CDH4: variants seen among roughly 807,000 people sequenced by gnomAD.
CDH4 encodes the protein cadherin-4.
CDH4 carries 33 observed loss-of-function variants against 86.0 expected under a neutral mutation model. That is an observed-to-expected ratio of 0.38 (90% CI 0.29 to 0.51). The LOEUF is 0.51. CDH4 is among the 20% of genes least tolerant of loss of function. The probability of loss-of-function intolerance (pLI) is 0.86; values close to 1 mark genes in which losing one functional copy is unlikely to be tolerated. For synonymous variants in CDH4, 555 were observed against 549.4 expected (o/e 1.01, Z -0.14); for missense variants, 1,114 against 1,307.4 (o/e 0.85, Z 2.28).
intron 8 of CDH4, among the ~76,000 whole-genome samples, chr20:61,905,112 C>T (rs755827710): frequency 6.6e-6 from 1 of 152,250 alleles, no homozygotes; most frequent in Non-Finnish European, 1.5e-5. Context: ...AAATTCCATT[C>T]CGATGCTCTT....
intron 4 of CDH4, among the ~76,000 whole-genome samples, chr20:61,781,526 T>C (rs558106026): frequency 5.3e-5 from 8 of 152,322 alleles, no homozygotes; most frequent in South Asian, 4.1e-4. Context: ...CACAAGTGGA[T>C]TGCTGAGGCA....
chr20:61,612,238 A>T (rs1477228271), intron 2 of CDH4, among the ~76,000 whole-genome samples: 2 of 152,094 alleles, frequency 1.3e-5, no homozygotes, highest in East Asian at 3.8e-4. Flanking sequence ...AAACATTCAC[A>T]TTATTCTCTT....
intron 7 of CDH4, among the ~76,000 whole-genome samples, chr20:61,881,405 C>G (rs544116824): frequency 6.6e-6 from 1 of 152,192 alleles, no homozygotes; most frequent in East Asian, 1.9e-4. Flanking sequence ...GCCGTGGCTG[C>G]GGAAGAAATA....
chr20:61,447,323 A>ATTTTTTTTTTTTTT (rs71331923), intron 2 of CDH4, among the ~76,000 whole-genome samples: 12 of 110,832 alleles, frequency 1.1e-4, no homozygotes, highest in Non-Finnish European at 1.2e-4. Context: ...CGCCCAGCTG[A>ATTTTTTTTTTTTTT]TTTTTTTTTT....
chr20:61,554,172 C>T (rs1469141331), intron 2 of CDH4, among the ~76,000 whole-genome samples: 1 of 152,198 alleles, frequency 6.6e-6, no homozygotes, highest in Admixed American at 6.5e-5. Context: ...TTGCACAGCA[C>T]TAGGTCCATT....
At position 61,937,101 on chromosome 20, in the gene CDH4, C is replaced by A. The variant is rs1489285268; in HGVS notation, c.*158C>A. The A allele has an allele frequency of 2.3e-5, 12 of 527,456 alleles. No homozygotes were observed. Among genetic ancestry groups the A allele is most frequent in the Non-Finnish European group, 3.4e-5 (11 of 320,352 alleles). The allele number at this position is 527,456 out of a possible 1,614,324, so 32.7% of individuals were successfully genotyped here. On this transcript the variant is annotated 3_prime_UTR_variant, in exon 16 of 16. Coordinates refer to ENST00000614565, the MANE Select transcript of CDH4 (RefSeq NM_001794.5). The stretch of plus-strand genomic sequence containing the variant: ...CACGTTGAGCTGTCTAGCATGAGCA[C>A]CCACCCCCACAGCGCCCTGCACCCG...
chr20:61,662,709 G>A (rs940076445), intron 2 of CDH4, among the ~76,000 whole-genome samples: 9 of 152,200 alleles, frequency 5.9e-5, no homozygotes, highest in African/African-American at 2.2e-4. Context: ...CCAGCTGCTC[G>A]CGTGGCCAAC....
chr20:61,491,852 T>C (rs989263633), intron 2 of CDH4, among the ~76,000 whole-genome samples: 1 of 152,140 alleles, frequency 6.6e-6, no homozygotes, highest in Non-Finnish European at 1.5e-5. Flanking sequence ...GTAGTGTTGA[T>C]GTTGGTGGTA....
intron 2 of CDH4, among the ~76,000 whole-genome samples, chr20:61,532,496 C>A (rs2145643032): frequency 6.6e-6 from 1 of 152,216 alleles, no homozygotes; most frequent in African/African-American, 2.4e-5. Flanking sequence ...TTAAAAAGAC[C>A]CGCATCTCAC....
chr20:61,510,731 T>C lies in CDH4; in HGVS notation c.170-232832T>C, dbSNP rs1388958767. Among the ~76,000 whole-genome samples the C allele has an allele frequency of 1.3e-5, 2 of 152,084 alleles. No homozygotes were observed. The highest frequency in any genetic ancestry group is 1.9e-4 in the East Asian group (1 of 5,178). On this transcript the variant is annotated intron_variant, in intron 2 of 15. Transcript: ENST00000614565. The surrounding 1 kb of genome is among the most constrained non-coding windows in gnomAD (Gnocchi z 4.2). ...TATATAGAGGAGGCAGGTTGAAAAT[T>C]GTATTAGGCTGTTCTTGCATTGCTA...
At chr20:61,745,484 C>T (rs543814980) in intron 3 of CDH4, among the ~76,000 whole-genome samples, 97 of 152,302 alleles carry the variant, frequency 6.4e-4, no homozygotes, top group Admixed American at 1.0e-3. Flanking sequence ...GCTGACCCCA[C>T]GGGGGAAGGA....
chr20:61,831,481 C>T (rs1981610957), intron 4 of CDH4, among the ~76,000 whole-genome samples: 1 of 152,246 alleles, frequency 6.6e-6, no homozygotes, highest in African/African-American at 2.4e-5. Flanking sequence ...CGGGTGAGTC[C>T]CTTGGCCACA....
rs1236736839 is a variant in CDH4, at chr20:61,839,574, G to GTGTGTGACGTGTGTA, written c.577-5088_577-5074dup. On this transcript the variant is annotated intron_variant, in intron 4 of 15. Transcript: ENST00000614565. ...GTGTTGTGTGTGCATATGTGCATGTGTGTGTGACGTGTGTATGTGTATTGA... is the reference window on the plus strand; with the variant it reads ...GTGTTGTGTGTGCATATGTGCATGTGTGTGTGACGTGTGTATGTGTGACGTGTGTATGTGTATTGA... 2.0e-5 allele frequency among the ~76,000 whole-genome samples: 3 copies of GTGTGTGACGTGTGTA among 151,758 alleles called. No individual in the cohort carries two copies. In the East Asian group the frequency reaches 5.8e-4, roughly 29 times the overall value.
chr20:61,930,689 T>C (rs2055096399), intron 13 of CDH4, among the ~76,000 whole-genome samples: 1 of 152,190 alleles, frequency 6.6e-6, no homozygotes, highest in East Asian at 1.9e-4. Flanking sequence ...TCTGCTTTTT[T>C]CCCCATTTCC....
In CDH4 at chr20:61,254,944, C is replaced by T. The variant is rs768620107; in HGVS notation, c.169+7C>T. ...GGGGAAAAGCTACTTCAAGGTAAGG[C>T]GGGGTGTGGAGGGGTGGGAGTGAAT... On this transcript the variant is annotated splice_region_variant and intron_variant, in intron 2 of 15. Transcript: ENST00000614565. 7 of 1,466,840 alleles carry T rather than the reference C, an allele frequency of 4.8e-6. No individual in the cohort carries two copies. The Admixed American group carries it at 5.0e-5, about 11-fold the overall frequency. 90.9% of individuals were successfully genotyped at this position (1,466,840 alleles called of 1,614,324 possible).
chr20:61,430,445 G>C (rs1489011807), intron 2 of CDH4, among the ~76,000 whole-genome samples: 1 of 152,178 alleles, frequency 6.6e-6, no homozygotes, highest in African/African-American at 2.4e-5. Context: ...AGTTTGATGT[G>C]TAATTGCAGG....
Position 61,653,723 on chromosome 20 carries a change from G to A in CDH4, c.170-89840G>A, listed in dbSNP as rs1157017915. Among the ~76,000 whole-genome samples the A allele has an allele frequency of 8.5e-5, 10 of 118,060 alleles. 1 individual carries two copies. The highest frequency in any genetic ancestry group is 8.2e-4 in the Admixed American group (10 of 12,212). The allele number at this position is 118,060 out of a possible 152,430, so 77.5% of individuals were successfully genotyped here. On this transcript the variant is annotated intron_variant, in intron 2 of 15. Transcript: ENST00000614565. ...TCCCAGACGGGGTCGCAGCCGGGCA[G>A]AGGCGCTCCTCACATCCCAGACGGG...
At chr20:61,295,550 A>G (rs1236188958) in intron 2 of CDH4, among the ~76,000 whole-genome samples, 1 of 152,094 alleles carries the variant, frequency 6.6e-6, no homozygotes, top group Admixed American at 6.5e-5. Context: ...CTCTGATTTC[A>G]ATACTTATCA....
At chr20:61,804,525 C>T (rs1980020672) in intron 4 of CDH4, among the ~76,000 whole-genome samples, 1 of 152,228 alleles carries the variant, frequency 6.6e-6, no homozygotes, top group African/African-American at 2.4e-5. Context: ...CGAAAGCACT[C>T]AGTCCCCCTT....
Sources: gnomAD v4.1 joint callset for allele counts (sites outside exome capture counted in the v4.1 genomes callset) on GRCh38, gnomAD v4.1.1 for gene constraint, Gnocchi (gnomAD v3.1) non-coding constraint, MANE v1.5 for transcripts, NCBI Gene and HGNC (gene_info 2026-07-23, HGNC 2026-07-21) for gene names.